EML1: variants seen among roughly 807,000 people sequenced by gnomAD.
EML1 encodes the protein echinoderm microtubule-associated protein-like 1.
In EML1, 27 loss-of-function variants were observed where a neutral mutation model predicts 110.4. That is an observed-to-expected ratio of 0.24 (90% CI 0.18 to 0.34). The LOEUF (loss-of-function observed/expected upper bound fraction) is 0.34. EML1 is among the 10% of genes least tolerant of loss of function. The pLI is 1.00. For synonymous variants in EML1, 344 were observed against 385.8 expected, an observed-to-expected ratio of 0.89 and a Z score of 1.27; for missense variants, 741 against 1,030.9, an observed-to-expected ratio of 0.72 and a Z score of 3.85.
chr14:99,796,186 C>G (rs904050679), intron 1 of EML1, among the ~76,000 whole-genome samples: 7 of 119,206 alleles, frequency 5.9e-5, no homozygotes, highest in East Asian at 2.4e-4. Context: ...GACCCTGTCT[C>G]AGAGAGAGAG....
rs2059082483 is a variant in EML1, at chr14:99,865,576, A to G, written c.313A>G (p.Lys105Glu). The G allele has an allele frequency of 6.2e-7, 1 of 1,614,124 alleles. No individual in the cohort carries two copies. The highest frequency in any genetic ancestry group is 1.3e-5 in the African/African-American group (1 of 74,942). The change falls in exon 3 of 22, where the codon AAG (lysine) becomes GAG (glutamate). Residue 105 changes from lysine to glutamate, a missense_variant. Coordinates refer to ENST00000262233, the MANE Select transcript of EML1 (RefSeq NM_004434.3). Reference protein sequence around the residue: ...TTVNNGTVLPKKPTGSLPSPS... With the variant: ...TTVNNGTVLPEKPTGSLPSPS... ...GGTCAACAATGGCACTGTGTTACCA[A>G]AGAAACCTACTGGCTCTCTACCATC...
At chr14:99,740,573 G>A (rs1262090869) in intron 1 of EML1, among the ~76,000 whole-genome samples, 1 of 152,148 alleles carries the variant, frequency 6.6e-6, no homozygotes, top group African/African-American at 2.4e-5. Flanking sequence ...GGGTGGGTGA[G>A]CCGGAGCTAA....
intron 5 of EML1, chr14:99,892,099 G>C (rs1595442668): frequency 1.0e-6 from 1 of 983,964 alleles, no homozygotes; most frequent in South Asian, 4.7e-5. Context: ...GGGCAGGCAG[G>C]CCAGCCACAC....
At chr14:99,874,920 C>T in intron 3 of EML1, 2 of 1,610,560 alleles carry the variant, frequency 1.2e-6, no homozygotes, top group South Asian at 1.1e-5. Context: ...TTCTGTGCCT[C>T]TTATATGTAG....
intron 13 of EML1, among the ~76,000 whole-genome samples, chr14:99,912,913 T>C (rs1026948982): frequency 1.3e-5 from 2 of 152,202 alleles, no homozygotes; most frequent in South Asian, 4.1e-4. Context: ...CACTGGAGAA[T>C]GTGTGAGGGG....
intron 3 of EML1, among the ~76,000 whole-genome samples, chr14:99,869,225 C>T (rs576190003): frequency 2.6e-5 from 4 of 152,256 alleles, no homozygotes; most frequent in East Asian, 3.9e-4. Flanking sequence ...CTATCAGCAT[C>T]GTTTTTCCAA....
intron 3 of EML1, among the ~76,000 whole-genome samples, chr14:99,878,206 G>A (rs2059326164): frequency 6.6e-6 from 1 of 151,386 alleles, no homozygotes; most frequent in African/African-American, 2.4e-5. Context: ...TGCTTCCCTG[G>A]AAGCCCCTGG....
Position 99,832,422 on chromosome 14 carries a change from C to T in EML1, c.68-18431C>T, listed in dbSNP as rs371012887. Among the ~76,000 whole-genome samples the T allele has an allele frequency of 3.5e-4, 53 of 152,290 alleles. No homozygotes were observed. The East Asian group carries it at 5.4e-3, about 16-fold the overall frequency. On this transcript the variant is annotated intron_variant, in intron 1 of 21. Coordinates refer to ENST00000262233, the MANE Select transcript of EML1 (RefSeq NM_004434.3). Reference sequence around the variant, plus strand: ...TACTTGGGCATGGAATGGCCGGACTCAATAGTGGGTGTGTGTTTAGCTGTC... The same window carrying T: ...TACTTGGGCATGGAATGGCCGGACTTAATAGTGGGTGTGTGTTTAGCTGTC...
chr14:99,835,174 C>A (rs918452947), intron 1 of EML1, among the ~76,000 whole-genome samples: 6 of 152,112 alleles, frequency 3.9e-5, no homozygotes, highest in Non-Finnish European at 8.8e-5. Context: ...CTCTTTAGAT[C>A]TATTTCTTCT....
chr14:99,805,506 A>C (rs925622775), intron 1 of EML1, among the ~76,000 whole-genome samples: 2 of 152,070 alleles, frequency 1.3e-5, no homozygotes, highest in African/African-American at 4.8e-5. Context: ...GGTAGGGCTC[A>C]GTCTGTTGCC....
At chr14:99,822,445 T>C (rs1262568242) in intron 1 of EML1, among the ~76,000 whole-genome samples, 2 of 152,214 alleles carry the variant, frequency 1.3e-5, no homozygotes, top group Admixed American at 6.5e-5. Context: ...TGAATGGTAA[T>C]ATAACTAGGG....
chr14:99,747,714 T>C (rs2057127748), intron 1 of EML1, among the ~76,000 whole-genome samples: 1 of 152,120 alleles, frequency 6.6e-6, no homozygotes, highest in African/African-American at 2.4e-5. Context: ...ATCTACTCTC[T>C]GCAGGGGCTC....
At chr14:99,896,930 G>T (rs2059680205) in intron 6 of EML1, among the ~76,000 whole-genome samples, 1 of 152,122 alleles carries the variant, frequency 6.6e-6, no homozygotes, top group South Asian at 2.1e-4. Context: ...GTGAAAATAT[G>T]TATTCACATT....
At chr14:99,877,117 G>A (rs573099283) in intron 3 of EML1, among the ~76,000 whole-genome samples, 1 of 152,218 alleles carries the variant, frequency 6.6e-6, no homozygotes, top group South Asian at 2.1e-4. Flanking sequence ...GGGAGTCCGA[G>A]ACCAGGGGGG....
intron 3 of EML1, among the ~76,000 whole-genome samples, chr14:99,870,682 A>G (rs2059183230): frequency 6.6e-6 from 1 of 152,204 alleles, no homozygotes; most frequent in Non-Finnish European, 1.5e-5. Flanking sequence ...ATGATGCTAA[A>G]TCTCTGCCTG....
rs532731759 is a variant in EML1, at chr14:99,873,401, C to T, written c.384-5084C>T. On this transcript the variant is annotated intron_variant, in intron 3 of 21. Transcript: ENST00000262233. ...ACTGAAGCCAGTGCTGGGTACATAGCGTGATTTGAAGAATAGAAAGCCAAA... is the reference window on the plus strand; with the variant it reads ...ACTGAAGCCAGTGCTGGGTACATAGTGTGATTTGAAGAATAGAAAGCCAAA... 3.9e-5 allele frequency among the ~76,000 whole-genome samples: 6 copies of T among 152,262 alleles called. No individual in the cohort carries two copies. In the South Asian group the frequency reaches 6.2e-4, roughly 16 times the overall value.
At chr14:99,899,919 G>A (rs2059733264) in intron 8 of EML1, among the ~76,000 whole-genome samples, 1 of 152,062 alleles carries the variant, frequency 6.6e-6, no homozygotes, top group African/African-American at 2.4e-5. Context: ...AATGCCCGCG[G>A]ACACCCAGCT....
chr14:99,793,424 A>G lies in EML1; in HGVS notation c.-53A>G. The G allele has an allele frequency of 9.8e-7, 1 of 1,024,042 alleles. No individual in the cohort carries two copies. Among genetic ancestry groups the G allele is most frequent in the Non-Finnish European group, 1.2e-6 (1 of 856,360 alleles). 63.4% of individuals were successfully genotyped at this position (1,024,042 alleles called of 1,614,324 possible). On this transcript the variant is annotated 5_prime_UTR_variant, in exon 1 of 22. Coordinates refer to ENST00000262233, the MANE Select transcript of EML1 (RefSeq NM_004434.3). ...GTCGGGCTCAGCTCAGTGTGTGGTG[A>G]GCGGCGGCGGCGCGGCCGGGCCGGG...
chr14:99,912,536 C>T (rs2059963300), intron 13 of EML1, among the ~76,000 whole-genome samples: 1 of 152,166 alleles, frequency 6.6e-6, no homozygotes, highest in Non-Finnish European at 1.5e-5. Flanking sequence ...AACCCAGATA[C>T]ACACAAAACA....
Sources: allele counts gnomAD v4.1 joint callset (sites outside exome capture counted in the v4.1 genomes callset), GRCh38; gene constraint gnomAD v4.1.1; transcripts MANE v1.5; gene names NCBI Gene and HGNC (gene_info 2026-07-23, HGNC 2026-07-21).